FKBP8: variants seen among roughly 807,000 people sequenced by gnomAD.
The protein encoded by FKBP8 is FKBP prolyl isomerase 8, also known as peptidyl-prolyl cis-trans isomerase FKBP8.
Under a neutral mutation model 41.7 loss-of-function variants are expected in FKBP8, and 5 were observed. The ratio of observed to expected loss-of-function variants is 0.12; its 90% CI spans 0.06 to 0.25. FKBP8 has a LOEUF of 0.25. Among genes scored for constraint, FKBP8 ranks in the 10% least tolerant of loss-of-function variants. The probability of loss-of-function intolerance (pLI) is 1.00; values close to 1 mark genes in which losing one functional copy is unlikely to be tolerated. For missense variants in FKBP8, 397 were observed against 563.0 expected, an observed-to-expected ratio of 0.71 and a Z score of 2.98; for synonymous variants, 279 against 254.5, an observed-to-expected ratio of 1.10 and a Z score of -0.92.
rs1976693508 is a variant in FKBP8, at chr19:18,541,264, G to A, written c.292+415C>T. ...CATTCCTCTGATCCACTTGACCCCA[G>A]AACACATTTTTTGTTTTGGAAGTTG... On this transcript the variant is annotated intron_variant, in intron 2 of 8. Transcript: ENST00000608443. Among the ~76,000 whole-genome samples, 3 of 152,134 alleles carry A rather than the reference G, an allele frequency of 2.0e-5. No individual in the cohort carries two copies. The South Asian group carries it at 6.2e-4, about 32-fold the overall frequency.
chr19:18,539,101 A>G (rs1350762252), intron 4 of FKBP8, among the ~76,000 whole-genome samples: 1 of 151,696 alleles, frequency 6.6e-6, no homozygotes, highest in Non-Finnish European at 1.5e-5. Flanking sequence ...GGCGTAAGCC[A>G]CCACGCCCGG....
intron 6 of FKBP8, among the ~76,000 whole-genome samples, chr19:18,536,795 C>T (rs1976589187): frequency 2.0e-5 from 3 of 152,226 alleles, no homozygotes; most frequent in Admixed American, 6.5e-5. Context: ...GTCACCTCCA[C>T]GTGCTGCCTG....
At chr19:18,540,094 C>A (rs917129706) in intron 2 of FKBP8, among the ~76,000 whole-genome samples, 2 of 151,880 alleles carry the variant, frequency 1.3e-5, no homozygotes, top group African/African-American at 4.8e-5. Context: ...AGCGTCTGGG[C>A]AAAATGGCAA....
chr19:18,534,573 TGTTG>T (rs1976526813), intron 6 of FKBP8, among the ~76,000 whole-genome samples: 1 of 151,670 alleles, frequency 6.6e-6, no homozygotes, highest in African/African-American at 2.4e-5. Flanking sequence ...TTCCAGAGGT[TGTTG>T]TTTTTTTTTT....
Position 18,533,145 on chromosome 19 carries a change from G to A in FKBP8, c.1023+125C>T, listed in dbSNP as rs1600527733. 8.8e-6 allele frequency: 8 copies of A among 905,846 alleles called. No homozygotes were observed. The East Asian group carries it at 2.2e-4, about 25-fold the overall frequency. The allele number at this position is 905,846 out of a possible 1,614,324, so 56.1% of individuals were successfully genotyped here. Reference sequence around the variant, plus strand: ...TCACAAGCTGACCAGGACCCTTCAGGTACCTACTCCGTGCCACTGCCCAGG... The same window carrying A: ...TCACAAGCTGACCAGGACCCTTCAGATACCTACTCCGTGCCACTGCCCAGG... On this transcript the variant is annotated intron_variant, in intron 7 of 8. Transcript: ENST00000608443.
chr19:18,532,522 TCA>T, intron 8 of FKBP8, 140 bp downstream of exon 8: 1 of 1,300,780 alleles, frequency 7.7e-7, no homozygotes, highest in Non-Finnish European at 1.0e-6. Flanking sequence ...CCACTCATGA[TCA>T]CACAGGGCTG....
Position 18,539,666 on chromosome 19 carries a change from C to T in FKBP8, c.347G>A (p.Arg116His), listed in dbSNP as rs776661768. 22 of 1,611,472 alleles carry T rather than the reference C, an allele frequency of 1.4e-5. No homozygotes were observed. The highest frequency in any genetic ancestry group is 3.3e-4 in the Middle Eastern group (2 of 6,060). The change falls in exon 3 of 9, where the codon CGC becomes CAC. Residue 116 changes from arginine (R) to histidine (H), a missense_variant. By Grantham distance (29) the Arg-to-His change is conservative. This residue lies in a region of FKBP8 where 172 missense variants were observed against 196.2 expected (regional missense o/e 0.88). Transcript: ENST00000608443. ...GGTGACCACCTGGCCCTTGACCGGGCGGCTCGAACCTGGCGGCCCTGGGAC... is the reference window on the plus strand; with the variant it reads ...GGTGACCACCTGGCCCTTGACCGGGTGGCTCGAACCTGGCGGCCCTGGGAC... ...TLVPGPPGSSRPVKGQVVTVH... is the reference protein window; with the variant it reads ...TLVPGPPGSSHPVKGQVVTVH...
chr19:18,532,883 G>A (rs897058615), intron 7 of FKBP8, 88 bp from the exon 8 acceptor site: 9 of 1,554,488 alleles, frequency 5.8e-6, no homozygotes, highest in Middle Eastern at 2.1e-4. Context: ...GGCTGTTTGG[G>A]TGGTGGGACT....
At position 18,538,436 on chromosome 19, in the gene FKBP8, G is replaced by C. The variant is rs1454047118; in HGVS notation, c.552C>G (p.Ser184Arg). The C allele has an allele frequency of 1.2e-6, 2 of 1,610,602 alleles. No homozygotes were observed. Among genetic ancestry groups the C allele is most frequent in the Non-Finnish European group, 1.7e-6 (2 of 1,179,374 alleles). ...CGTGCGGGGGGATGTATGGGCTCCT[G>C]CTAGTTGGGTGGGAGCAGGCAGGGG... ...DSKYCYGPQG[S>R]RSPYIPPHAA... The change falls in exon 5 of 9, where the codon AGC (serine) becomes AGG (arginine). Residue 184 changes from serine (S) to arginine (R), a missense_variant and splice_region_variant. By Grantham distance (110) the Ser-to-Arg change is moderately radical. Around this residue, in one of 2 missense-constraint regions of FKBP8, gnomAD observed 225 missense variants for 366.8 expected, o/e 0.61. Coordinates refer to ENST00000608443, the MANE Select transcript of FKBP8 (RefSeq NM_012181.5). The surrounding 1 kb of genome is among the most constrained non-coding windows in gnomAD (Gnocchi z 4.0).
Position 18,531,987 on chromosome 19 carries a change from G to T in FKBP8, c.*182C>A, listed in dbSNP as rs1976459511. ...AGGAATGAGGGCCCCCTCCCTCTGG[G>T]CTTTCCTCCTAGAGGGCCTCAGTCC... On this transcript the variant is annotated 3_prime_UTR_variant, in exon 9 of 9. Transcript: ENST00000608443. 1 of 611,694 alleles carries T rather than the reference G, an allele frequency of 1.6e-6. No homozygotes were observed. Among genetic ancestry groups the T allele is most frequent in the African/African-American group, 1.8e-5 (1 of 54,064 alleles). The allele number at this position is 611,694 out of a possible 1,614,324, so 37.9% of individuals were successfully genotyped here.
In FKBP8 at chr19:18,537,139, G is replaced by C. The variant is rs1228941378; in HGVS notation, c.945+462C>G. 6.6e-6 allele frequency among the ~76,000 whole-genome samples: 1 copy of C among 152,096 alleles called. No homozygotes were observed. The highest frequency in any genetic ancestry group is 1.9e-4 in the East Asian group (1 of 5,188). ...AGATCACTTGAGGTCAGGAGTTCGA[G>C]ACCAGCCTGGCCAATATGGCTAACC... On this transcript the variant is annotated intron_variant, in intron 6 of 8. Transcript: ENST00000608443. This position sits in a 1 kb window ranked among gnomAD's most constrained non-coding sequence, Gnocchi z 4.4.
chr19:18,537,933 G>T lies in FKBP8; in HGVS notation c.773-160C>A. On this transcript the variant is annotated intron_variant, in intron 5 of 8. Coordinates refer to ENST00000608443, the MANE Select transcript of FKBP8 (RefSeq NM_012181.5). This position sits in a 1 kb window ranked among gnomAD's most constrained non-coding sequence, Gnocchi z 4.4. ...TGGGGCTCTCCTGAGGAAGCTACAA[G>T]ATGGAGACTTAAGCAAGCGAGGGCC... 1 of 800,040 alleles carries T rather than the reference G, an allele frequency of 1.2e-6. No individual in the cohort carries two copies. Among genetic ancestry groups the T allele is most frequent in the Non-Finnish European group, 1.9e-6 (1 of 516,040 alleles). The allele number at this position is 800,040 out of a possible 1,614,324, so 49.6% of individuals were successfully genotyped here.
intron 1 of FKBP8, 135 bp from the exon 2 acceptor site, chr19:18,542,130 A>G (rs1976716750): frequency 7.5e-7 from 1 of 1,330,510 alleles, no homozygotes; most frequent in Admixed American, 2.9e-5. Flanking sequence ...TCATCTATAC[A>G]GTGGGTGTAA....
chr19:18,542,983 C>G (rs1323645886), intron 1 of FKBP8: 1 of 995,378 alleles, frequency 1.0e-6, no homozygotes, highest in Non-Finnish European at 1.3e-6. Context: ...GGCCTCCCCT[C>G]CCACCCCCCA....
rs1058799 is a variant in FKBP8, at chr19:18,532,075, G to A, written c.*94C>T. 8.7e-7 allele frequency: 1 copy of A among 1,145,940 alleles called. No homozygotes were observed. The highest frequency in any genetic ancestry group is 1.3e-5 in the South Asian group (1 of 74,748). 71.0% of individuals were successfully genotyped at this position (1,145,940 alleles called of 1,614,324 possible). On this transcript the variant is annotated 3_prime_UTR_variant, in exon 9 of 9. Coordinates refer to ENST00000608443, the MANE Select transcript of FKBP8 (RefSeq NM_012181.5). Reference sequence around the variant, plus strand: ...TCCCCTAACCCGGAGGAGGGGGCCAGACCAGGGAGGGCAGTGGACAGGGAG... The same window carrying A: ...TCCCCTAACCCGGAGGAGGGGGCCAAACCAGGGAGGGCAGTGGACAGGGAG...
chr19:18,539,483 C>G (rs557870740), intron 3 of FKBP8, 24 bp from the exon 4 acceptor site: 1 of 1,612,352 alleles, frequency 6.2e-7, no homozygotes, highest in South Asian at 1.1e-5. Flanking sequence ...GGATAGCCAG[C>G]TGTCAGGCAG....
chr19:18,538,406 G>A lies in FKBP8; in HGVS notation c.582C>T (p.Ala194=). The change falls in exon 5 of 9, where the codon GCC becomes GCT. Residue 194 remains alanine, a synonymous_variant. Coordinates refer to ENST00000608443, the MANE Select transcript of FKBP8 (RefSeq NM_012181.5). The surrounding 1 kb of genome is among the most constrained non-coding windows in gnomAD (Gnocchi z 4.0). ...SRSPYIPPHA[A]LCLEVTLKTA... ...TCTTCAGGGTCACCTCCAGGCACAGGGCCGCGTGCGGGGGGATGTATGGGC... is the reference window on the plus strand; with the variant it reads ...TCTTCAGGGTCACCTCCAGGCACAGAGCCGCGTGCGGGGGGATGTATGGGC... 4 of 1,612,988 alleles carry A rather than the reference G, an allele frequency of 2.5e-6. No individual in the cohort carries two copies. Among genetic ancestry groups the A allele is most frequent in the Non-Finnish European group, 3.4e-6 (4 of 1,179,964 alleles).
chr19:18,542,797 T>C, intron 1 of FKBP8: 1 of 860,182 alleles, frequency 1.2e-6, no homozygotes, highest in Non-Finnish European at 1.7e-6. Flanking sequence ...CCTGAACCAA[T>C]AACCAACCCC....
intron 6 of FKBP8, among the ~76,000 whole-genome samples, chr19:18,534,224 G>A (rs1021526663): frequency 5.9e-5 from 9 of 151,714 alleles, no homozygotes; most frequent in African/African-American, 1.9e-4. Context: ...GGAGAATGGC[G>A]TGAACCCAGG....
Sources: allele counts gnomAD v4.1 joint callset (sites outside exome capture counted in the v4.1 genomes callset), GRCh38; gene constraint gnomAD v4.1.1; regional missense constraint gnomAD v4.1.1; non-coding constraint Gnocchi (gnomAD v3.1); transcripts MANE v1.5; gene names NCBI Gene and HGNC (gene_info 2026-07-23, HGNC 2026-07-21).